Variants in TLR6 observed in about 807,000 individuals in gnomAD.
TLR6 encodes toll-like receptor 6.
In TLR6, 9 loss-of-function variants were observed where a neutral mutation model predicts 16.1. The ratio of observed to expected loss-of-function variants is 0.56; its 90% confidence interval spans 0.34 to 0.98. TLR6 has a LOEUF of 0.98. TLR6 is among the 50% of genes least tolerant of loss of function. The pLI, the probability that TLR6 is intolerant of heterozygous loss-of-function variation, is 0.02. For missense variants in TLR6, 786 were observed against 921.0 expected (o/e 0.85, Z 1.90); for synonymous variants, 340 against 338.6 (o/e 1.00, Z -0.04).
upstream of TLR6, among the ~76,000 whole-genome samples, chr4:38,860,448 G>A (rs948240192): frequency 1.2e-4 from 18 of 151,574 alleles, no homozygotes; most frequent in Admixed American, 5.9e-4. Flanking sequence ...CTCAAGCCTG[G>A]GCAACAGAGC....
At chr4:38,835,032 GA>G (rs1338109281) in intron 1 of TLR6, among the ~76,000 whole-genome samples, 2 of 152,142 alleles carry the variant, frequency 1.3e-5, no homozygotes, top group African/African-American at 4.8e-5. Context: ...AAAGTTCAAT[GA>G]TAAACAATGA....
chr4:38,848,791 A>G (rs1292746362), intron 1 of TLR6, among the ~76,000 whole-genome samples: 2 of 152,230 alleles, frequency 1.3e-5, no homozygotes, highest in African/African-American at 4.8e-5. Flanking sequence ...AAAAGGCCAA[A>G]TCTATGTCTG....
At chr4:38,852,825 A>T (rs1228772436) in intron 1 of TLR6, among the ~76,000 whole-genome samples, 5 of 152,314 alleles carry the variant, frequency 3.3e-5, no homozygotes, top group Admixed American at 3.3e-4. Context: ...CAGTGTGGTG[A>T]TTCCTCAGGG....
intron 1 of TLR6, among the ~76,000 whole-genome samples, chr4:38,840,139 G>T (rs1178696494): frequency 6.6e-6 from 1 of 152,188 alleles, no homozygotes; most frequent in Non-Finnish European, 1.5e-5. Flanking sequence ...CAATGCATTT[G>T]TCAGAAAATT....
upstream of TLR6, among the ~76,000 whole-genome samples, chr4:38,858,776 GGAGA>G (rs1713099922): frequency 6.1e-5 from 2 of 32,546 alleles, no homozygotes; most frequent in South Asian, 1.3e-3. Context: ...AGAGAGAGAG[GGAGA>G]GAGAGAGAGA....
the TLR6 span, among the ~76,000 whole-genome samples, chr4:38,864,632 C>CATTAAGGATGTACATTA: frequency 6.6e-6 from 1 of 152,172 alleles, no homozygotes; most frequent in African/African-American, 2.4e-5. Flanking sequence ...AACAAGTGTA[C>CATTAAGGATGTACATTA]AGGATGTCCT....
At chr4:38,867,502 G>C in the TLR6 span, among the ~76,000 whole-genome samples, 2 of 151,810 alleles carry the variant, frequency 1.3e-5, no homozygotes, top group African/African-American at 4.9e-5. Flanking sequence ...TGACACGGCG[G>C]GGGGTTTTCC....
At chr4:38,844,917 G>A (rs536092023) in intron 1 of TLR6, among the ~76,000 whole-genome samples, 1 of 152,230 alleles carries the variant, frequency 6.6e-6, no homozygotes, top group South Asian at 2.1e-4. Flanking sequence ...AAATTAGCCA[G>A]GCGTGGTGGT....
chr4:38,851,224 C>T (rs376264456), intron 1 of TLR6, among the ~76,000 whole-genome samples: 40 of 152,192 alleles, frequency 2.6e-4, no homozygotes, highest in Non-Finnish European at 4.6e-4. Context: ...ATTGATGGGA[C>T]GTATCTCAAA....
In TLR6 at chr4:38,827,649, A is replaced by C. The variant is rs1370905654; in HGVS notation, c.1825T>G (p.Leu609Val). The C allele has an allele frequency of 1.9e-6, 3 of 1,614,200 alleles. No individual in the cohort carries two copies. In the South Asian group the frequency reaches 3.3e-5, roughly 18 times the overall value. Residue 609 changes from leucine to valine, a missense_variant, in exon 2 of 2, where the codon TTG (leucine) becomes GTG (valine). Physicochemically the swap from Leu to Val is conservative, Grantham distance 32. Coordinates refer to ENST00000436693, the Ensembl canonical transcript of TLR6. Reference sequence around the variant, plus strand: ...ATCCTGAGATACCAGGGCAGATCCAAGTAGATGCAGAGGGAGGTCACAGTC... The same window carrying C: ...ATCCTGAGATACCAGGGCAGATCCACGTAGATGCAGAGGGAGGTCACAGTC...
At chr4:38,853,114 G>A (rs200301571) in intron 1 of TLR6, among the ~76,000 whole-genome samples, 5 of 142,556 alleles carry the variant, frequency 3.5e-5, no homozygotes, top group East Asian at 2.2e-4. Context: ...CATCATTCTC[G>A]TAAACTATCG....
chr4:38,847,472 G>A (rs1023016567), intron 1 of TLR6, among the ~76,000 whole-genome samples: 8 of 151,778 alleles, frequency 5.3e-5, no homozygotes, highest in East Asian at 1.9e-4. Context: ...AGTGTGAGCC[G>A]AAGCACGGTG....
chr4:38,826,651 A>G (rs1191811092), exon 2 of TLR6: 1 of 155,428 alleles, frequency 6.4e-6, no homozygotes, highest in East Asian at 1.9e-4. Context: ...TTTTTTCCCC[A>G]AGCCCCAGAC....
the TLR6 span, among the ~76,000 whole-genome samples, chr4:38,867,227 A>G: frequency 2.0e-5 from 3 of 152,242 alleles, no homozygotes; most frequent in African/African-American, 7.2e-5. Flanking sequence ...AACAACTACA[A>G]CAAACATCCT....
chr4:38,852,762 A>G lies in TLR6; in HGVS notation c.-65+3999T>C, dbSNP rs1712820238. ...GCTGGAGAGGACGTGGAGAAATAGG[A>G]ACACTTTTACACTGTTGGTGGGACT... On this transcript the variant is annotated intron_variant, in intron 1 of 1. Coordinates refer to ENST00000436693, the Ensembl canonical transcript of TLR6. Among the ~76,000 whole-genome samples the G allele has an allele frequency of 2.0e-5, 3 of 151,860 alleles. No individual in the cohort carries two copies. The South Asian group carries it at 6.3e-4, about 32-fold the overall frequency.
the TLR6 span, among the ~76,000 whole-genome samples, chr4:38,864,053 C>T: frequency 1.3e-5 from 2 of 152,342 alleles, no homozygotes; most frequent in African/African-American, 4.8e-5. Context: ...CTGCCTGAGA[C>T]TGTCTACAGA....
upstream of TLR6, among the ~76,000 whole-genome samples, chr4:38,861,623 C>T (rs12508250): frequency 0.22 from 33,991 of 152,158 alleles, 4,722 homozygotes; most frequent in Non-Finnish European, 0.3. Context: ...AAAATACACA[C>T]CCATGCTGAC....
chr4:38,826,004 G>C (rs1358238638), exon 2 of TLR6: 5 of 92,866 alleles, frequency 5.4e-5, no homozygotes, highest in African/African-American at 1.3e-4. Flanking sequence ...TGTGTTCCCA[G>C]TGCCCACCCT....
the TLR6 span, among the ~76,000 whole-genome samples, chr4:38,867,336 G>T: frequency 6.6e-6 from 1 of 152,242 alleles, no homozygotes; most frequent in African/African-American, 2.4e-5. Context: ...TTAACCCACA[G>T]CTCCAAACTG....
Sources: allele counts gnomAD v4.1 joint callset (sites outside exome capture counted in the v4.1 genomes callset), GRCh38; gene constraint gnomAD v4.1.1; transcripts MANE v1.5; gene names NCBI Gene and HGNC (gene_info 2026-07-23, HGNC 2026-07-21).